The following RBFOX1 variants were observed in gnomAD, a reference collection of about 807,000 sequenced individuals.
RBFOX1 encodes RNA binding fox-1 homolog 1.
A neutral mutation model predicts 57.7 loss-of-function variants in RBFOX1; 8 were observed. The ratio of observed to expected loss-of-function variants is 0.14; its 90% CI spans 0.08 to 0.25. The LOEUF (loss-of-function observed/expected upper bound fraction) is 0.25. Ranked by LOEUF, RBFOX1 falls within the 10% of genes least tolerant of loss-of-function variation. RBFOX1 has a pLI of 1.00. For synonymous variants in RBFOX1, 326 were observed against 222.4 expected (o/e 1.47, Z -4.15); for missense variants, 611 against 548.5 (o/e 1.11, Z -1.14).
intron 2 of RBFOX1, among the ~76,000 whole-genome samples, chr16:6,464,392 T>G (rs1353423564): frequency 6.6e-6 from 1 of 151,488 alleles, no homozygotes; most frequent in African/African-American, 2.4e-5. Flanking sequence ...TATTTTCAAT[T>G]GGTTTGAAAA....
At chr16:5,820,759 C>G (rs903937268) in intron 3 of RBFOX1, among the ~76,000 whole-genome samples, 3 of 152,304 alleles carry the variant, frequency 2.0e-5, no homozygotes, top group Non-Finnish European at 2.9e-5. Context: ...CCTGTGCTCT[C>G]CCAGCCTCAC....
At chr16:6,509,063 C>A (rs573685129) in intron 2 of RBFOX1, among the ~76,000 whole-genome samples, 3 of 152,182 alleles carry the variant, frequency 2.0e-5, no homozygotes, top group African/African-American at 7.2e-5. Flanking sequence ...TTAAAATATA[C>A]CACTGATCTT....
intron 4 of RBFOX1, among the ~76,000 whole-genome samples, chr16:7,386,078 C>T (rs997287984): frequency 6.6e-6 from 1 of 151,950 alleles, no homozygotes; most frequent in Non-Finnish European, 1.5e-5. Flanking sequence ...TGTGAGCCAC[C>T]ATGCCCAGCC....
intron 4 of RBFOX1, among the ~76,000 whole-genome samples, chr16:5,992,433 A>C (rs1210111663): frequency 6.6e-6 from 1 of 152,180 alleles, no homozygotes; most frequent in African/African-American, 2.4e-5. Context: ...TACTGTGTAG[A>C]ATGAAAATGC....
At chr16:5,398,121 G>T (rs1028936075) in intron 1 of RBFOX1, among the ~76,000 whole-genome samples, 2 of 152,228 alleles carry the variant, frequency 1.3e-5, no homozygotes, top group African/African-American at 4.8e-5. Context: ...AGACCATCAA[G>T]AAAGCCTTTC....
At chr16:6,826,797 T>C (rs1271420711) in intron 3 of RBFOX1, among the ~76,000 whole-genome samples, 2 of 152,188 alleles carry the variant, frequency 1.3e-5, no homozygotes, top group Non-Finnish European at 2.9e-5. Context: ...TTATGTGAAA[T>C]CTCATGAATT....
intron 4 of RBFOX1, among the ~76,000 whole-genome samples, chr16:7,207,003 C>G (rs113386700): frequency 6.6e-6 from 1 of 152,164 alleles, no homozygotes; most frequent in African/African-American, 2.4e-5. Context: ...TAGCCCCTTG[C>G]AGCTCAGTGC....
chr16:6,441,229 G>C (rs920736299), intron 2 of RBFOX1, among the ~76,000 whole-genome samples: 1 of 152,004 alleles, frequency 6.6e-6, no homozygotes, highest in African/African-American at 2.4e-5. Context: ...AGTGAGCCAG[G>C]GTTCTAAGGG....
chr16:5,960,480 GA>G (rs2059725955), intron 4 of RBFOX1, among the ~76,000 whole-genome samples: 1 of 152,070 alleles, frequency 6.6e-6, no homozygotes. Context: ...ATGGAGCTAT[GA>G]CAATGTCATC....
intron 3 of RBFOX1, among the ~76,000 whole-genome samples, chr16:6,753,173 C>A (rs947475889): frequency 6.6e-6 from 1 of 151,814 alleles, no homozygotes; most frequent in South Asian, 2.1e-4. Context: ...TTGAAATGCA[C>A]CAAAAATAAG....
intron 2 of RBFOX1, among the ~76,000 whole-genome samples, chr16:6,385,567 C>G (rs776954436): frequency 7.6e-4 from 116 of 152,282 alleles, no homozygotes; most frequent in Middle Eastern, 3.4e-3. Flanking sequence ...ACCATGTTGG[C>G]CAGGCTGGTC....
chr16:6,577,287 A>G (rs1248522245), intron 2 of RBFOX1: 2 of 152,198 alleles, frequency 1.3e-5, no homozygotes, highest in Admixed American at 1.3e-4. Flanking sequence ...ATGGAACACT[A>G]CATATTTTCA....
chr16:6,872,255 G>T (rs1603634913), intron 3 of RBFOX1, among the ~76,000 whole-genome samples: 2 of 152,176 alleles, frequency 1.3e-5, no homozygotes, highest in Admixed American at 1.3e-4. Context: ...TTGTGTAAAT[G>T]AATAAAACAC....
At chr16:6,933,430 T>A (rs1157401949) in intron 3 of RBFOX1, among the ~76,000 whole-genome samples, 2 of 152,244 alleles carry the variant, frequency 1.3e-5, no homozygotes, top group Admixed American at 1.3e-4. Context: ...ATGGCCATCC[T>A]GGCCAGGTGC....
intron 4 of RBFOX1, among the ~76,000 whole-genome samples, chr16:7,244,843 C>G (rs575858672): frequency 3.3e-5 from 5 of 152,156 alleles, no homozygotes; most frequent in Non-Finnish European, 5.9e-5. Flanking sequence ...CACTTCTGCT[C>G]ATGATGGGCC....
intron 3 of RBFOX1, among the ~76,000 whole-genome samples, chr16:7,051,515 G>A (rs1403052196): frequency 6.6e-6 from 1 of 152,162 alleles, no homozygotes; most frequent in East Asian, 1.9e-4. Context: ...TTGAAGGATT[G>A]GCTTCACAAT....
intron 3 of RBFOX1, among the ~76,000 whole-genome samples, chr16:7,005,142 C>G (rs149910984): frequency 3.2e-4 from 48 of 152,110 alleles, no homozygotes; most frequent in Middle Eastern, 3.4e-3. Context: ...GAGATTCCAT[C>G]TCAAAAACAA....
chr16:6,345,907 T>C (rs1417209906), intron 2 of RBFOX1, among the ~76,000 whole-genome samples: 4 of 152,164 alleles, frequency 2.6e-5, no homozygotes, highest in African/African-American at 9.7e-5. Context: ...AGAAATACGT[T>C]GGTTTGGTCT....
intron 2 of RBFOX1, among the ~76,000 whole-genome samples, chr16:6,542,943 C>G (rs867495744): frequency 2.0e-5 from 3 of 152,102 alleles, no homozygotes; most frequent in Admixed American, 1.3e-4. Flanking sequence ...GAAGGGGCGT[C>G]TGTCTTCACA....
Sources: allele counts gnomAD v4.1 joint callset (sites outside exome capture counted in the v4.1 genomes callset), GRCh38; gene constraint gnomAD v4.1.1; transcripts MANE v1.5; gene names NCBI Gene and HGNC (gene_info 2026-07-23, HGNC 2026-07-21).